Variants in JAKMIP2 observed in about 807,000 individuals in gnomAD.
JAKMIP2 encodes janus kinase and microtubule-interacting protein 2.
In JAKMIP2, 25 loss-of-function variants were observed where a neutral mutation model predicts 115.0. The observed-to-expected ratio is 0.22, with a 90% CI of 0.16 to 0.30. The LOEUF is 0.30. Among genes scored for constraint, JAKMIP2 ranks in the 10% least tolerant of loss-of-function variants. The probability of loss-of-function intolerance (pLI) is 1.00; values close to 1 mark genes in which losing one functional copy is unlikely to be tolerated. For missense variants in JAKMIP2, 642 were observed against 957.6 expected, an observed-to-expected ratio of 0.67 and a Z score of 4.35; for synonymous variants, 334 against 343.6, an observed-to-expected ratio of 0.97 and a Z score of 0.31.
intron 1 of JAKMIP2, among the ~76,000 whole-genome samples, chr5:147,730,161 G>A (rs1043771562): frequency 1.3e-5 from 2 of 152,166 alleles, no homozygotes; most frequent in African/African-American, 4.8e-5. Flanking sequence ...ACTTACATTT[G>A]TTTAACCGTG....
chr5:147,618,712 G>C (rs183327338), intron 18 of JAKMIP2, among the ~76,000 whole-genome samples: 1 of 152,172 alleles, frequency 6.6e-6, no homozygotes, highest in Non-Finnish European at 1.5e-5. Flanking sequence ...ACTCTGGTCT[G>C]TGCAACAAGA....
At chr5:147,779,602 C>G (rs1273022368) in intron 1 of JAKMIP2, among the ~76,000 whole-genome samples, 1 of 151,974 alleles carries the variant, frequency 6.6e-6, no homozygotes, top group African/African-American at 2.4e-5. Context: ...TGTTCAGTTT[C>G]CTGAATTCTG....
intron 21 of JAKMIP2, among the ~76,000 whole-genome samples, chr5:147,593,921 A>G (rs1449205422): frequency 6.6e-6 from 1 of 152,246 alleles, no homozygotes; most frequent in Admixed American, 6.5e-5. Flanking sequence ...GAATAAATAT[A>G]CAAACACAAA....
At chr5:147,650,304 T>C in intron 4 of JAKMIP2, 34 bp downstream of exon 4, 2 of 1,322,364 alleles carry the variant, frequency 1.5e-6, no homozygotes, top group Admixed American at 3.4e-5. Flanking sequence ...AAAGATGACT[T>C]GTGCATTCTT....
At chr5:147,625,380 C>T (rs570095164) in intron 16 of JAKMIP2, among the ~76,000 whole-genome samples, 2 of 152,268 alleles carry the variant, frequency 1.3e-5, no homozygotes, top group African/African-American at 2.4e-5. Context: ...CCATGTTCAA[C>T]CACTCCTTGG....
chr5:147,724,900 G>A (rs527448498), intron 1 of JAKMIP2, among the ~76,000 whole-genome samples: 4 of 152,298 alleles, frequency 2.6e-5, no homozygotes, highest in African/African-American at 4.8e-5. Flanking sequence ...TTGAATAGGA[G>A]CTGGGTAAAA....
chr5:147,643,280 T>A (rs9918176), intron 7 of JAKMIP2, among the ~76,000 whole-genome samples: 12,863 of 152,158 alleles, frequency 0.085, 907 homozygotes, highest in East Asian at 0.35. Context: ...AAACAGAAGC[T>A]ATAACCTTTC....
chr5:147,679,678 CT>C (rs1760159080), intron 1 of JAKMIP2, among the ~76,000 whole-genome samples: 3 of 152,134 alleles, frequency 2.0e-5, no homozygotes, highest in Admixed American at 2.0e-4. Context: ...CAGACATTTA[CT>C]TTTATTAGTT....
chr5:147,720,823 T>C (rs2126940619), intron 1 of JAKMIP2, among the ~76,000 whole-genome samples: 1 of 152,252 alleles, frequency 6.6e-6, no homozygotes, highest in South Asian at 2.1e-4. Flanking sequence ...AGTAATTTGA[T>C]CATCTGAAGC....
At chr5:147,766,181 A>G (rs1755150326) in intron 1 of JAKMIP2, among the ~76,000 whole-genome samples, 1 of 152,136 alleles carries the variant, frequency 6.6e-6, no homozygotes, top group Non-Finnish European at 1.5e-5. Context: ...CTGTAGGCCA[A>G]TGGGAGAATA....
chr5:147,696,769 C>A (rs1752122831), intron 1 of JAKMIP2, among the ~76,000 whole-genome samples: 1 of 152,094 alleles, frequency 6.6e-6, no homozygotes, highest in African/African-American at 2.4e-5. Context: ...GTGATGTGGA[C>A]AATGAAATCC....
chr5:147,634,423 G>A (rs538096666), intron 12 of JAKMIP2, among the ~76,000 whole-genome samples: 122 of 152,302 alleles, frequency 8.0e-4, no homozygotes, highest in Non-Finnish European at 1.3e-3. Flanking sequence ...ATTAATAAAT[G>A]TAGTCGAGTT....
intron 1 of JAKMIP2, among the ~76,000 whole-genome samples, chr5:147,719,769 C>T (rs373219980): frequency 3.3e-5 from 5 of 151,276 alleles, no homozygotes; most frequent in East Asian, 1.9e-4. Context: ...GTTTCCTGAA[C>T]ACAGCACACT....
chr5:147,696,285 C>G (rs189216972), intron 1 of JAKMIP2, among the ~76,000 whole-genome samples: 1 of 152,170 alleles, frequency 6.6e-6, no homozygotes, highest in Admixed American at 6.5e-5. Flanking sequence ...TGGGAGAGGC[C>G]CAGTGGAAAG....
At chr5:147,642,301 T>C (rs1002855641) in intron 7 of JAKMIP2, among the ~76,000 whole-genome samples, 1 of 152,186 alleles carries the variant, frequency 6.6e-6, no homozygotes. Context: ...TTCTGTTTTG[T>C]CTTCAGTTTT....
At chr5:147,721,524 G>C (rs1278121422) in intron 1 of JAKMIP2, among the ~76,000 whole-genome samples, 2 of 148,130 alleles carry the variant, frequency 1.4e-5, no homozygotes, top group African/African-American at 5.0e-5. Flanking sequence ...AGGACCCTCC[G>C]AGCCAGGTGC....
At chr5:147,772,932 A>C (rs995265330) in intron 1 of JAKMIP2, among the ~76,000 whole-genome samples, 1 of 152,136 alleles carries the variant, frequency 6.6e-6, no homozygotes, top group African/African-American at 2.4e-5. Context: ...TACTAGATGC[A>C]TAATAGATGC....
chr5:147,775,103 C>T (rs964687375), intron 1 of JAKMIP2, among the ~76,000 whole-genome samples: 1 of 152,174 alleles, frequency 6.6e-6, no homozygotes, highest in African/African-American at 2.4e-5. Context: ...TTTCCTCATA[C>T]TTAAGTTACA....
intron 1 of JAKMIP2, among the ~76,000 whole-genome samples, chr5:147,775,827 T>C (rs907980785): frequency 1.4e-4 from 21 of 152,338 alleles, no homozygotes; most frequent in Middle Eastern, 6.8e-3. Flanking sequence ...TTATTGAGTA[T>C]GCATTTTGTA....
Sources: gnomAD v4.1 joint callset for allele counts (sites outside exome capture counted in the v4.1 genomes callset) on GRCh38, gnomAD v4.1.1 for gene constraint, MANE v1.5 for transcripts, NCBI Gene and HGNC (gene_info 2026-07-23, HGNC 2026-07-21) for gene names.